Variants in IQGAP3 observed in about 807,000 individuals in gnomAD.
IQGAP3 encodes the protein ras GTPase-activating-like protein IQGAP3.
IQGAP3 carries 165 observed loss-of-function variants against 208.2 expected under a neutral mutation model. That is an observed-to-expected ratio of 0.79 (90% CI 0.70 to 0.90). The LOEUF (loss-of-function observed/expected upper bound fraction) is 0.90. Among genes scored for constraint, IQGAP3 ranks in the 40% least tolerant of loss-of-function variants. The pLI, the probability that IQGAP3 is intolerant of heterozygous loss-of-function variation, is 0.00. For synonymous variants in IQGAP3, 703 were observed against 803.6 expected (o/e 0.87, Z 2.12); for missense variants, 1,811 against 2,043.1 (o/e 0.89, Z 2.19).
Position 156,527,934 on chromosome 1 carries a change from A to T in IQGAP3, c.4782+18T>A. ...AGCCCAGCAGATGTCCTGCAGGCTC[A>T]TGGGACTGTCCCCTCACCTGATAGT... is the stretch of plus-strand genomic sequence containing the variant. On this transcript the variant is annotated intron_variant, in intron 37 of 37. Transcript: ENST00000361170. 1.3e-6 allele frequency: 2 copies of T among 1,565,362 alleles called. No homozygotes were observed. Among genetic ancestry groups the T allele is most frequent in the Non-Finnish European group, 8.8e-7 (1 of 1,135,510 alleles).
Position 156,569,036 on chromosome 1 carries a change from G to A in IQGAP3, c.125+340C>T, listed in dbSNP as rs1676523855. On this transcript the variant is annotated intron_variant, in intron 2 of 37. Transcript: ENST00000361170. Reference sequence around the variant, plus strand: ...GGATCCTTATTTGAATAAGATAACTGTAAAAACAGATTTTTTTTTTAAGAC... The same window carrying A: ...GGATCCTTATTTGAATAAGATAACTATAAAAACAGATTTTTTTTTTAAGAC... 9.9e-5 allele frequency among the ~76,000 whole-genome samples: 15 copies of A among 152,092 alleles called. 1 individual carries two copies. The South Asian group carries it at 3.1e-3, about 32-fold the overall frequency.
chr1:156,550,375 A>C (rs1349042800), intron 15 of IQGAP3, 24 bp from the exon 16 acceptor site: 1 of 1,588,012 alleles, frequency 6.3e-7, no homozygotes, highest in African/African-American at 1.3e-5. Context: ...GGAGAAAAAA[A>C]AGATGTGACC....
chr1:156,548,404 C>T lies in IQGAP3; in HGVS notation c.2077G>A (p.Glu693Lys), dbSNP rs544206421. The T allele has an allele frequency of 6.4e-5, 103 of 1,613,846 alleles. No individual in the cohort carries two copies. Among genetic ancestry groups the T allele is most frequent in the Non-Finnish European group, 8.6e-5 (102 of 1,179,988 alleles). ...TTGAGGGGGCAGCCAGGAGGTTGCT[C>T]CCAGATCCCCTGGAAGGTCTGCAGA... is the stretch of plus-strand genomic sequence containing the variant. ...FHLQTFQGIW[E>K]QPPGCPLNTS... The change falls in exon 18 of 38, where the codon GAG becomes AAG. Residue 693 changes from glutamate to lysine, a missense_variant. By Grantham distance (56) the Glu-to-Lys change is moderately conservative. Transcript: ENST00000361170.
Position 156,530,240 on chromosome 1 carries a change from G to A in IQGAP3, c.4269C>T (p.Arg1423=), listed in dbSNP as rs765579722. 2 of 1,613,010 alleles carry A rather than the reference G, an allele frequency of 1.2e-6. No homozygotes were observed. Among genetic ancestry groups the A allele is most frequent in the Non-Finnish European group, 1.7e-6 (2 of 1,179,958 alleles). ...GCAGGAGGGAGTGAGCTGTCAGTGA[G>A]CGGTGTCGTCGCAGTGGCTCCGGTG... is the stretch of plus-strand genomic sequence containing the variant. ...AQTPEPLRRH[R]SLTAHSLLPL... Residue 1423 remains arginine (R), a synonymous_variant, in exon 34 of 38, where the codon CGC becomes CGT. Coordinates refer to ENST00000361170, the MANE Select transcript of IQGAP3 (RefSeq NM_178229.5).
At position 156,563,261 on chromosome 1, in the gene IQGAP3, T is replaced by G. The variant is rs773846786; in HGVS notation, c.671A>C (p.Glu224Ala). The G allele has an allele frequency of 1.9e-6, 3 of 1,611,914 alleles. No individual in the cohort carries two copies. The highest frequency in any genetic ancestry group is 2.5e-6 in the Non-Finnish European group (3 of 1,178,300). Reference sequence around the variant, plus strand: ...ATTCTGCAAGGCAGCCAGGGTGTCCTCCACCACCCCTCGCTCCACTGCTTC... The same window carrying G: ...ATTCTGCAAGGCAGCCAGGGTGTCCGCCACCACCCCTCGCTCCACTGCTTC... ...INEAVERGVV[E>A]DTLAALQNPS... Residue 224 changes from glutamate to alanine, a missense_variant, in exon 8 of 38, where the codon GAG (glutamate) becomes GCG (alanine). Physicochemically the swap from Glu to Ala is moderately radical, Grantham distance 107. Transcript: ENST00000361170.
chr1:156,560,964 C>A lies in IQGAP3; in HGVS notation c.1099G>T (p.Ala367Ser), dbSNP rs765404611. ...TGTTCCTGATCACCCTTTGTGTTGG[C>A]TGCAGCCACACCAGCCTGGACTTCC... ...KEEVQAGVAA[A>S]NTKGDQEQAM... The change falls in exon 11 of 38, where the codon GCC (alanine) becomes TCC (serine). Residue 367 changes from alanine (A) to serine (S), a missense_variant. Transcript: ENST00000361170. The A allele has an allele frequency of 6.2e-7, 1 of 1,613,854 alleles. No individual in the cohort carries two copies. The highest frequency in any genetic ancestry group is 1.1e-5 in the South Asian group (1 of 91,076).
chr1:156,541,806 C>A (rs1313427743), intron 22 of IQGAP3, among the ~76,000 whole-genome samples: 1 of 152,172 alleles, frequency 6.6e-6, no homozygotes, highest in Non-Finnish European at 1.5e-5. Flanking sequence ...GTGTAGTTAG[C>A]ACTTTGAGAG....
intron 1 of IQGAP3, among the ~76,000 whole-genome samples, chr1:156,569,761 C>T (rs927646507): frequency 7.9e-5 from 12 of 152,110 alleles, no homozygotes; most frequent in Admixed American, 2.6e-4. Flanking sequence ...CCTCGTGATC[C>T]GCCCGCCTTG....
chr1:156,546,797 C>G (rs754957558), intron 19 of IQGAP3, among the ~76,000 whole-genome samples: 22 of 152,282 alleles, frequency 1.4e-4, no homozygotes, highest in African/African-American at 3.9e-4. Context: ...TCAATTACCC[C>G]CCAACACCCT....
At chr1:156,527,315 A>C (rs1674133732) in intron 37 of IQGAP3, among the ~76,000 whole-genome samples, 1 of 151,632 alleles carries the variant, frequency 6.6e-6, no homozygotes, top group African/African-American at 2.4e-5. Flanking sequence ...CCCCATCTCT[A>C]CTAAAAATAC....
chr1:156,556,124 C>T lies in IQGAP3; in HGVS notation c.1290+409G>A, dbSNP rs113824992. Among the ~76,000 whole-genome samples the T allele has an allele frequency of 5.0e-3, 763 of 152,282 alleles. 6 individuals are homozygous for T. Among genetic ancestry groups the T allele is most frequent in the African/African-American group, 0.017 (709 of 41,558 alleles). ...TAACTCCTCCAACAGACAGAAAGTCCCTAAGTGAGGGCCCTGTCGTTTCAC... is the reference window on the plus strand; with the variant it reads ...TAACTCCTCCAACAGACAGAAAGTCTCTAAGTGAGGGCCCTGTCGTTTCAC... On this transcript the variant is annotated intron_variant, in intron 12 of 37. Transcript: ENST00000361170.
chr1:156,540,585 C>G (rs1674928316), intron 23 of IQGAP3, 123 bp downstream of exon 23: 5 of 791,010 alleles, frequency 6.3e-6, no homozygotes, highest in Non-Finnish European at 1.0e-5. Context: ...GAACAAGGAC[C>G]TGAGTCAGGT....
At chr1:156,564,421 C>T (rs1251130146) in intron 5 of IQGAP3, among the ~76,000 whole-genome samples, 194 bp downstream of exon 5, 1 of 152,212 alleles carries the variant, frequency 6.6e-6, no homozygotes, top group African/African-American at 2.4e-5. Flanking sequence ...TTCACCCACA[C>T]AGGCCATACA....
chr1:156,566,447 A>C lies in IQGAP3; in HGVS notation c.225T>G (p.Phe75Leu), dbSNP rs1242244189. Residue 75 changes from phenylalanine to leucine, a missense_variant, in exon 3 of 38, where the codon TTT (phenylalanine) becomes TTG (leucine). Phe to Leu is a conservative substitution (Grantham distance 22, BLOSUM62 0). Transcript: ENST00000361170. The stretch of plus-strand genomic sequence containing the variant: ...TCTTCAAGGGAACCACGGAGGGTGC[A>C]AAACAGTGGCCTAGCTTGGCCAGCA... The part of the protein sequence containing the change: ...GVLLAKLGHC[F>L]APSVVPLKKI... 1 of 1,614,006 alleles carries C rather than the reference A, an allele frequency of 6.2e-7. No individual in the cohort carries two copies. Among genetic ancestry groups the C allele is most frequent in the Non-Finnish European group, 8.5e-7 (1 of 1,179,994 alleles).
intron 26 of IQGAP3, 74 bp downstream of exon 26, chr1:156,538,735 C>T (rs1674828495): frequency 1.5e-6 from 2 of 1,299,960 alleles, no homozygotes; most frequent in Middle Eastern, 2.1e-4. Flanking sequence ...CAAGCTTCCC[C>T]AGTAGGGTCC....
At chr1:156,530,635 G>A (rs1486211813) in intron 33 of IQGAP3, among the ~76,000 whole-genome samples, 1 of 152,176 alleles carries the variant, frequency 6.6e-6, no homozygotes, top group Non-Finnish European at 1.5e-5. Context: ...CACTAGCTGT[G>A]ACTTCCCAAC....
At chr1:156,549,654 A>G (rs569305252) in intron 16 of IQGAP3, among the ~76,000 whole-genome samples, 1 of 152,150 alleles carries the variant, frequency 6.6e-6, no homozygotes, top group Non-Finnish European at 1.5e-5. Flanking sequence ...GAAGCACTTT[A>G]TGCAGGATAT....
rs149922050 is a variant in IQGAP3, at chr1:156,534,703, G to A, written c.3538C>T (p.Leu1180=). The change falls in exon 29 of 38, where the codon CTG becomes TTG. Residue 1180 remains leucine, a synonymous_variant. Transcript: ENST00000361170. Reference sequence around the variant, plus strand: ...TCAGGAGCCACCACAGCTGGGTTCAGGAAGCGGTAGTACAGGAGGTTCCCG... The same window carrying A: ...TCAGGAGCCACCACAGCTGGGTTCAAGAAGCGGTAGTACAGGAGGTTCCCG... ...VVGNLLYYRF[L]NPAVVAPDAF... 438 of 1,603,150 alleles carry A rather than the reference G, an allele frequency of 2.7e-4. 4 individuals carry two copies. The East Asian group carries it at 9.5e-3, about 35-fold the overall frequency.
chr1:156,546,549 C>G (rs1191504093), intron 19 of IQGAP3, among the ~76,000 whole-genome samples: 1 of 152,178 alleles, frequency 6.6e-6, no homozygotes, highest in Non-Finnish European at 1.5e-5. Context: ...GTTCTGGGAC[C>G]AATGCCCTGA....
Sources: allele counts gnomAD v4.1 joint callset (sites outside exome capture counted in the v4.1 genomes callset), GRCh38; gene constraint gnomAD v4.1.1; transcripts MANE v1.5; gene names NCBI Gene and HGNC (gene_info 2026-07-23, HGNC 2026-07-21).